Variants in EDNRA observed in about 807,000 individuals in gnomAD.
EDNRA encodes endothelin-1 receptor.
In EDNRA, 11 loss-of-function variants were observed where a neutral mutation model predicts 41.4. The ratio of observed to expected loss-of-function variants is 0.27; its 90% CI spans 0.17 to 0.44. The LOEUF (loss-of-function observed/expected upper bound fraction) is 0.44. EDNRA is among the 20% of genes least tolerant of loss of function. The probability of loss-of-function intolerance (pLI) is 1.00; values close to 1 mark genes in which losing one functional copy is unlikely to be tolerated. For missense variants in EDNRA, 294 were observed against 531.0 expected, an observed-to-expected ratio of 0.55 and a Z score of 4.39; for synonymous variants, 172 against 183.0, an observed-to-expected ratio of 0.94 and a Z score of 0.49.
chr4:147,506,792 AAAC>A (rs1464045790), intron 2 of EDNRA: 1 of 230,064 alleles, frequency 4.3e-6, no homozygotes, highest in African/African-American at 2.3e-5. Flanking sequence ...CATGTTAGTG[AAAC>A]AACAGTGATG....
chr4:147,497,880 C>T (rs1052065112), intron 2 of EDNRA, among the ~76,000 whole-genome samples: 4 of 152,112 alleles, frequency 2.6e-5, no homozygotes, highest in Admixed American at 2.6e-4. Flanking sequence ...CTCTCTCGGA[C>T]TTTTTGAGAC....
chr4:147,499,207 C>T (rs1729422854), intron 2 of EDNRA, among the ~76,000 whole-genome samples: 1 of 152,148 alleles, frequency 6.6e-6, no homozygotes, highest in South Asian at 2.1e-4. Context: ...AGGCACATGC[C>T]ACCATGCCCA....
intron 3 of EDNRA, among the ~76,000 whole-genome samples, chr4:147,526,646 C>T (rs1730559081): frequency 6.6e-6 from 1 of 152,164 alleles, no homozygotes; most frequent in Admixed American, 6.5e-5. Flanking sequence ...TTTAATTCAC[C>T]ACACCTGATT....
rs1728740567 is a variant in EDNRA at position 147,481,236 on chromosome 4, A to G, written c.-211A>G. The G allele has an allele frequency of 6.5e-6, 1 of 152,942 alleles. No homozygotes were observed. Among genetic ancestry groups the G allele is most frequent in the African/African-American group, 2.4e-5 (1 of 41,456 alleles). The allele number at this position is 152,942 out of a possible 1,614,324, so 9.5% of individuals were successfully genotyped here. On this transcript the variant is annotated 5_prime_UTR_variant, in exon 1 of 8. Transcript: ENST00000651419. ...CCAGGAGGTTTTCTGAAGCCGGGGA[A>G]GCTGTGCAGCCGAAGCCGCCGCCGC...
chr4:147,536,109 G>T (rs1201045706), intron 5 of EDNRA, 80 bp downstream of exon 5: 9 of 1,485,234 alleles, frequency 6.1e-6, no homozygotes, highest in Non-Finnish European at 8.4e-6. Flanking sequence ...ACCATCTTTA[G>T]TAGAATTAGC....
chr4:147,514,694 G>C (rs1458446432), intron 2 of EDNRA, among the ~76,000 whole-genome samples: 1 of 152,070 alleles, frequency 6.6e-6, no homozygotes, highest in Admixed American at 6.6e-5. Flanking sequence ...GGCTGGTCTC[G>C]AACTCCTGGC....
chr4:147,482,505 G>T lies in EDNRA; in HGVS notation c.-71+1129G>T, dbSNP rs10305852. Among the ~76,000 whole-genome samples the T allele has an allele frequency of 6.3e-4, 96 of 152,328 alleles. 1 individual carries two copies. The highest frequency in any genetic ancestry group is 2.0e-3 in the African/African-American group (83 of 41,568). On this transcript the variant is annotated intron_variant, in intron 1 of 7. Coordinates refer to ENST00000651419, the MANE Select transcript of EDNRA (RefSeq NM_001957.4). The stretch of plus-strand genomic sequence containing the variant: ...ATGATTCAAAGCACAGCCTGACTCA[G>T]ATTCCTGGAAATGAGCTACAGACCC...
At position 147,486,475 on chromosome 4, in the gene EDNRA, C is replaced by T. The variant is rs1345180699; in HGVS notation, c.420+374C>T. On this transcript the variant is annotated intron_variant, in intron 2 of 7. Coordinates refer to ENST00000651419, the MANE Select transcript of EDNRA (RefSeq NM_001957.4). The surrounding 1 kb of genome is among the most constrained non-coding windows in gnomAD (Gnocchi z 4.3). ...TACTAGGCCCAGAAAATACTTGAAA[C>T]AAACATATCCTTGAGTTTAGTTACC... is the stretch of plus-strand genomic sequence containing the variant. Among the ~76,000 whole-genome samples, 1 of 152,146 alleles carries T rather than the reference C, an allele frequency of 6.6e-6. No homozygotes were observed. Among genetic ancestry groups the T allele is most frequent in the Non-Finnish European group, 1.5e-5 (1 of 68,018 alleles).
intron 3 of EDNRA, among the ~76,000 whole-genome samples, chr4:147,526,513 T>G (rs1252137369): frequency 6.6e-6 from 1 of 152,150 alleles, no homozygotes; most frequent in Non-Finnish European, 1.5e-5. Context: ...CAAGGCTCCT[T>G]TCAGAGGCCA....
chr4:147,519,724 G>T lies in EDNRA; in HGVS notation c.421-127G>T. On this transcript the variant is annotated intron_variant, in intron 2 of 7. Coordinates refer to ENST00000651419, the MANE Select transcript of EDNRA (RefSeq NM_001957.4). This position sits in a 1 kb window ranked among gnomAD's most constrained non-coding sequence, Gnocchi z 4.1. ...AAAATAACAATTCTAATACTCTTTT[G>T]CTACAGTGCTAACTGAAAAGCACTG... 9.2e-7 allele frequency: 1 copy of T among 1,083,888 alleles called. No individual in the cohort carries two copies. 67.1% of individuals were successfully genotyped at this position (1,083,888 alleles called of 1,614,324 possible).
rs1309811062 is a variant in EDNRA at position 147,539,847 on chromosome 4, T to C, written c.931T>C (p.Leu311=). The C allele has an allele frequency of 1.2e-6, 2 of 1,611,856 alleles. No homozygotes were observed. The highest frequency in any genetic ancestry group is 4.5e-5 in the East Asian group (2 of 44,856). ...AGAAGTGGCAAAAACAGTTTTCTGC[T>C]TGGTTGTAATTTTTGCTCTTTGCTG... ...RREVAKTVFC[L]VVIFALCWFP... The change falls in exon 6 of 8, where the codon TTG becomes CTG. Residue 311 remains leucine, a synonymous_variant. Coordinates refer to ENST00000651419, the MANE Select transcript of EDNRA (RefSeq NM_001957.4).
chr4:147,531,514 T>A (rs774553785), intron 3 of EDNRA: 1 of 152,196 alleles, frequency 6.6e-6, no homozygotes, highest in Non-Finnish European at 1.5e-5. Context: ...TAAAGAGGAA[T>A]AACATATTAC....
At chr4:147,508,241 C>T (rs1025047994) in intron 2 of EDNRA, among the ~76,000 whole-genome samples, 1 of 152,168 alleles carries the variant, frequency 6.6e-6, no homozygotes, top group Non-Finnish European at 1.5e-5. Context: ...CGGGTTCAAG[C>T]GATTCTCATG....
chr4:147,521,188 T>C (rs1489103403), intron 3 of EDNRA, among the ~76,000 whole-genome samples: 1 of 151,906 alleles, frequency 6.6e-6, no homozygotes, highest in African/African-American at 2.4e-5. Flanking sequence ...AGCCCAGGAA[T>C]AAATAAATAA....
At position 147,485,769 on chromosome 4, in the gene EDNRA, C is replaced by A. The variant is rs202012442; in HGVS notation, c.88C>A (p.Leu30Ile). 7.4e-6 allele frequency: 12 copies of A among 1,614,112 alleles called. No individual in the cohort carries two copies. Among genetic ancestry groups the A allele is most frequent in the Admixed American group, 1.7e-5 (1 of 60,008 alleles). The change falls in exon 2 of 8, where the codon CTA (leucine) becomes ATA (isoleucine). Residue 30 changes from leucine (L) to isoleucine (I), a missense_variant. Leu to Ile is a conservative substitution (Grantham distance 5). Transcript: ENST00000651419. ...SDNPERYSTN[L>I]SNHVDDFTTF... The stretch of plus-strand genomic sequence containing the variant: ...TAATCCTGAGAGATACAGCACAAAT[C>A]TAAGCAATCATGTGGATGATTTCAC...
intron 3 of EDNRA, chr4:147,520,321 C>A: frequency 2.1e-6 from 1 of 487,732 alleles, no homozygotes. Context: ...GTAAATTTAT[C>A]ATAAAAAAAG....
chr4:147,526,704 G>A (rs1730563833), intron 3 of EDNRA, among the ~76,000 whole-genome samples: 1 of 152,218 alleles, frequency 6.6e-6, no homozygotes, highest in Non-Finnish European at 1.5e-5. Context: ...CTCAGCCTTA[G>A]GAGGCCGAAG....
At chr4:147,485,053 C>A (rs1728896731) in intron 1 of EDNRA, among the ~76,000 whole-genome samples, 1 of 152,182 alleles carries the variant, frequency 6.6e-6, no homozygotes, top group Non-Finnish European at 1.5e-5. Context: ...TGCCTCAATA[C>A]CCTGTACCCT....
At chr4:147,540,270 G>A (rs945353600) in intron 6 of EDNRA, 107 bp from the exon 7 acceptor site, 38 of 976,820 alleles carry the variant, frequency 3.9e-5, no homozygotes, top group Non-Finnish European at 5.1e-5. Flanking sequence ...CCACCCATAC[G>A]AAATGGCTTC....
Sources: allele counts gnomAD v4.1 joint callset (sites outside exome capture counted in the v4.1 genomes callset), GRCh38; gene constraint gnomAD v4.1.1; non-coding constraint Gnocchi (gnomAD v3.1); transcripts MANE v1.5; gene names NCBI Gene and HGNC (gene_info 2026-07-23, HGNC 2026-07-21).